The following RILPL2 variants were observed in gnomAD, a reference collection of about 807,000 sequenced individuals.
RILPL2 encodes Rab interacting lysosomal protein like 2, also known as RILP-like protein 2.
In RILPL2, 19 loss-of-function variants were observed where a neutral mutation model predicts 22.2. That is an observed-to-expected ratio of 0.86 (90% CI 0.60 to 1.25). The LOEUF (loss-of-function observed/expected upper bound fraction) is 1.25, where lower values mean the gene tolerates loss of function less well. Ranked by LOEUF, RILPL2 falls within the 50% of genes most tolerant of loss-of-function variation. RILPL2 has a pLI of 0.00. For synonymous variants in RILPL2, 123 were observed against 111.6 expected (o/e 1.10, Z -0.64); for missense variants, 243 against 263.6 (o/e 0.92, Z 0.54).
intron 2 of RILPL2, among the ~76,000 whole-genome samples, chr12:123,425,932 G>A (rs144413875): frequency 0.017 from 2,555 of 152,072 alleles, 35 homozygotes; most frequent in Non-Finnish European, 0.026. Context: ...GATTACAGGC[G>A]TGAGCCACTG....
At chr12:123,430,058 G>A (rs1879573926) in intron 2 of RILPL2, among the ~76,000 whole-genome samples, 1 of 132,206 alleles carries the variant, frequency 7.6e-6, no homozygotes, top group Non-Finnish European at 1.6e-5. Flanking sequence ...AGAGGTTGCA[G>A]TGAGCCAAGA....
intron 3 of RILPL2, among the ~76,000 whole-genome samples, chr12:123,421,139 C>T (rs1200675200): frequency 6.6e-6 from 1 of 151,764 alleles, no homozygotes; most frequent in East Asian, 1.9e-4. Context: ...GCCTCCCAAG[C>T]TCAAGTGATT....
chr12:123,413,070 C>T (rs1055899527), downstream of RILPL2: 9 of 152,756 alleles, frequency 5.9e-5, no homozygotes, highest in Non-Finnish European at 1.2e-4. Context: ...GTGGCATATA[C>T]CTATAGTCCC....
Position 123,436,068 on chromosome 12 carries a change from G to T in RILPL2, c.339+14C>A. 1 of 1,558,802 alleles carries T rather than the reference G, an allele frequency of 6.4e-7. No individual in the cohort carries two copies. On this transcript the variant is annotated intron_variant, in intron 1 of 3. Transcript: ENST00000280571. The surrounding 1 kb of genome is among the most constrained non-coding windows in gnomAD (Gnocchi z 6.7). ...CAGGCGCCGTGGGCCCGGAACCCTC[G>T]CTCCCACACTCACCTCCCCGCTGGC...
At chr12:123,426,138 T>C (rs1363327988) in intron 2 of RILPL2, among the ~76,000 whole-genome samples, 1 of 151,854 alleles carries the variant, frequency 6.6e-6, no homozygotes, top group Admixed American at 6.6e-5. Context: ...AATATTATAT[T>C]ATTTATATTC....
downstream of RILPL2, chr12:123,413,642 G>GT (rs1428493659): frequency 6.6e-6 from 1 of 152,398 alleles, no homozygotes; most frequent in African/African-American, 2.4e-5. Flanking sequence ...CCACAATGCG[G>GT]AAAGGAACCC....
downstream of RILPL2, chr12:123,413,653 G>T (rs375975844): frequency 6.6e-6 from 1 of 152,240 alleles, no homozygotes; most frequent in South Asian, 2.1e-4. Context: ...AAAGGAACCC[G>T]AGCGGGTTGC....
At chr12:123,423,208 T>C in intron 2 of RILPL2, 51 bp from the exon 3 acceptor site, 1 of 1,282,338 alleles carries the variant, frequency 7.8e-7, no homozygotes, top group Non-Finnish European at 1.1e-6. Context: ...AGATCGTTTT[T>C]TTTTTTTTTT....
downstream of RILPL2, chr12:123,413,144 C>T (rs545038686): frequency 6.5e-6 from 1 of 154,072 alleles, no homozygotes; most frequent in Non-Finnish European, 1.4e-5. Flanking sequence ...TGCAGTGAAC[C>T]CAGATGGTGC....
chr12:123,430,332 C>A (rs1012540887), intron 2 of RILPL2, among the ~76,000 whole-genome samples, 176 bp downstream of exon 2: 3 of 151,898 alleles, frequency 2.0e-5, no homozygotes, highest in Non-Finnish European at 2.9e-5. Flanking sequence ...TGGCGTGAAC[C>A]CGGGAGGCAG....
chr12:123,420,435 G>A (rs965705218), intron 3 of RILPL2, among the ~76,000 whole-genome samples: 3 of 150,520 alleles, frequency 2.0e-5, no homozygotes, highest in Non-Finnish European at 4.4e-5. Flanking sequence ...CACTGTGCCC[G>A]GCCTATTTTT....
intron 2 of RILPL2, among the ~76,000 whole-genome samples, chr12:123,426,758 C>T (rs1202104999): frequency 2.6e-5 from 4 of 151,430 alleles, no homozygotes; most frequent in South Asian, 2.1e-4. Context: ...CCCGCCACCT[C>T]GTCTGGCTAA....
intron 3 of RILPL2, among the ~76,000 whole-genome samples, chr12:123,419,414 G>T (rs1410154047): frequency 1.3e-5 from 2 of 152,110 alleles, no homozygotes; most frequent in Admixed American, 1.3e-4. Context: ...GATCAACCCT[G>T]GTGCACAGAC....
intron 3 of RILPL2, among the ~76,000 whole-genome samples, chr12:123,417,667 C>G (rs1225048134): frequency 6.6e-6 from 1 of 152,186 alleles, no homozygotes; most frequent in Admixed American, 6.5e-5. Context: ...TCACGGCAAC[C>G]TCCGCCTACC....
chr12:123,426,016 C>G (rs1484593180), intron 2 of RILPL2, among the ~76,000 whole-genome samples: 2 of 152,038 alleles, frequency 1.3e-5, no homozygotes, highest in Non-Finnish European at 2.9e-5. Flanking sequence ...GATCCATTGC[C>G]CAGGCTCATC....
chr12:123,436,684 G>A lies in RILPL2; in HGVS notation c.-264C>T. 1 of 546,226 alleles carries A rather than the reference G, an allele frequency of 1.8e-6. No individual in the cohort carries two copies. The highest frequency in any genetic ancestry group is 2.5e-5 in the South Asian group (1 of 39,760). 33.8% of individuals were successfully genotyped at this position (546,226 alleles called of 1,614,324 possible). A position where few individuals can be genotyped will look rare whatever the true frequency, so the allele number is the denominator to read the frequency against. Reference sequence around the variant, plus strand: ...TGGGGCGCGAAGGGACAACGGAAAAGGAGGCAGCCGAGAAGAGGAACGGGG... The same window carrying A: ...TGGGGCGCGAAGGGACAACGGAAAAAGAGGCAGCCGAGAAGAGGAACGGGG... On this transcript the variant is annotated 5_prime_UTR_variant, in exon 1 of 4. Transcript: ENST00000280571. This position sits in a 1 kb window ranked among gnomAD's most constrained non-coding sequence, Gnocchi z 6.7.
At chr12:123,434,276 AG>A (rs1593496740) in intron 1 of RILPL2, among the ~76,000 whole-genome samples, 1 of 151,894 alleles carries the variant, frequency 6.6e-6, no homozygotes, top group East Asian at 1.9e-4. Flanking sequence ...AAAATTAGCC[AG>A]GTGGTTGGTG....
intron 2 of RILPL2, among the ~76,000 whole-genome samples, chr12:123,428,526 C>T (rs1052420938): frequency 7.2e-5 from 11 of 152,324 alleles, no homozygotes; most frequent in South Asian, 2.1e-4. Flanking sequence ...GTTCTTACAA[C>T]GCTTCTGCTG....
intron 3 of RILPL2, 59 bp from the exon 4 acceptor site, chr12:123,415,980 C>A: frequency 6.4e-7 from 1 of 1,564,440 alleles, no homozygotes; most frequent in Non-Finnish European, 8.8e-7. Context: ...AGGGGCACAG[C>A]AACCCCCGTA....
Sources: allele counts gnomAD v4.1 joint callset (sites outside exome capture counted in the v4.1 genomes callset), GRCh38; gene constraint gnomAD v4.1.1; non-coding constraint Gnocchi (gnomAD v3.1); transcripts MANE v1.5; gene names NCBI Gene and HGNC (gene_info 2026-07-23, HGNC 2026-07-21).